Variants in OR9Q1 observed in about 807,000 individuals in gnomAD.
OR9Q1 encodes the protein olfactory receptor family 9 subfamily Q member 1.
For missense variants in OR9Q1, 374 were observed against 378.8 expected (o/e 0.99, Z 0.11); for synonymous variants, 153 against 148.6 (o/e 1.03, Z -0.22).
At chr11:58,140,830 A>C (rs1036112053) in intron 2 of OR9Q1, among the ~76,000 whole-genome samples, 1 of 152,186 alleles carries the variant, frequency 6.6e-6, no homozygotes, top group Non-Finnish European at 1.5e-5. Flanking sequence ...GAAGAAAGTC[A>C]TTGGTAGCTT....
intron 1 of OR9Q1, among the ~76,000 whole-genome samples, chr11:58,043,291 A>G (rs753950454): frequency 6.6e-6 from 1 of 152,144 alleles, no homozygotes; most frequent in Non-Finnish European, 1.5e-5. Flanking sequence ...CAAAGTCTCT[A>G]CTTTCCCAGG....
At chr11:58,143,673 G>A (rs1285355206) in intron 2 of OR9Q1, among the ~76,000 whole-genome samples, 4 of 152,062 alleles carry the variant, frequency 2.6e-5, no homozygotes, top group Non-Finnish European at 5.9e-5. Flanking sequence ...ACACAGGGAG[G>A]GAAACAACAC....
At chr11:58,072,003 C>T (rs990016712) in intron 2 of OR9Q1, among the ~76,000 whole-genome samples, 1 of 152,126 alleles carries the variant, frequency 6.6e-6, no homozygotes, top group East Asian at 1.9e-4. Flanking sequence ...GTACAACAGA[C>T]CCTTACGACA....
At position 58,180,008 on chromosome 11, in the gene OR9Q1, C is replaced by G. The variant is rs1178291161; in HGVS notation, c.564C>G (p.Thr188=). 6.2e-7 allele frequency: 1 copy of G among 1,614,062 alleles called. No individual in the cohort carries two copies. The highest frequency in any genetic ancestry group is 8.5e-7 in the Non-Finnish European group (1 of 1,179,984). Residue 188 remains threonine, a synonymous_variant, in exon 3 of 3, where the codon ACC becomes ACG. Coordinates refer to ENST00000335397, the MANE Select transcript of OR9Q1 (RefSeq NM_001005212.4). ...ACCTCCCTCCTCTGTTAAAGTTGAC[C>G]TGTGGGGAGAGCTACACTCAAGAAG... ...FCDLPPLLKL[T]CGESYTQEVL...
chr11:58,045,521 A>T (rs1853207851), intron 1 of OR9Q1, among the ~76,000 whole-genome samples: 1 of 152,222 alleles, frequency 6.6e-6, no homozygotes, highest in African/African-American at 2.4e-5. Flanking sequence ...GACGTGAGCC[A>T]CCACGCCTGG....
chr11:58,092,042 G>A (rs1273977828), intron 2 of OR9Q1, among the ~76,000 whole-genome samples: 1 of 149,434 alleles, frequency 6.7e-6, no homozygotes, highest in Admixed American at 6.7e-5. Context: ...GTGTTTCTTT[G>A]CATGTGAGAT....
Position 58,161,261 on chromosome 11 carries a change from G to T in OR9Q1, c.-14-18170G>T, listed in dbSNP as rs1590622118. Among the ~76,000 whole-genome samples the T allele has an allele frequency of 2.0e-5, 3 of 150,428 alleles. No homozygotes were observed. The South Asian group carries it at 6.3e-4, about 32-fold the overall frequency. On this transcript the variant is annotated intron_variant, in intron 2 of 2. Transcript: ENST00000335397. ...GTATAAAAAAAAAAAAAAAAGAAAA[G>T]AGTTATATATGTGACTGAACCAAAA...
At chr11:58,072,092 G>A (rs1373284204) in intron 2 of OR9Q1, among the ~76,000 whole-genome samples, 1 of 152,028 alleles carries the variant, frequency 6.6e-6, no homozygotes, top group African/African-American at 2.4e-5. Context: ...TTTCTTGTAG[G>A]TTAATTGTAA....
intron 1 of OR9Q1, among the ~76,000 whole-genome samples, chr11:58,034,226 C>T (rs12786623): frequency 0.49 from 74,021 of 151,178 alleles, 18,460 homozygotes; most frequent in Middle Eastern, 0.59. Flanking sequence ...GCTAGGACTA[C>T]AGGGGCCCGC....
intron 2 of OR9Q1, among the ~76,000 whole-genome samples, chr11:58,178,988 T>TAG (rs150590790): frequency 2.4e-4 from 27 of 110,234 alleles, no homozygotes; most frequent in African/African-American, 9.1e-4. Context: ...TTATATATTA[T>TAG]AGAGAGAGAG....
intron 2 of OR9Q1, among the ~76,000 whole-genome samples, chr11:58,145,928 G>C (rs1854295367): frequency 6.6e-6 from 1 of 152,178 alleles, no homozygotes; most frequent in Admixed American, 6.5e-5. Flanking sequence ...TTAACATTCA[G>C]TCATACCCAA....
chr11:58,066,533 T>C (rs1047246580), intron 2 of OR9Q1, among the ~76,000 whole-genome samples: 4 of 152,136 alleles, frequency 2.6e-5, no homozygotes, highest in Non-Finnish European at 4.4e-5. Flanking sequence ...TTGCCTTACA[T>C]GGTGATATCT....
chr11:58,073,082 T>A, intron 2 of OR9Q1: 1 of 207,562 alleles, frequency 4.8e-6, no homozygotes, highest in South Asian at 9.9e-5. Flanking sequence ...CATATACATA[T>A]GCATCGAAAT....
chr11:58,168,195 A>C (rs1198188446), intron 2 of OR9Q1, among the ~76,000 whole-genome samples: 1 of 152,232 alleles, frequency 6.6e-6, no homozygotes, highest in Non-Finnish European at 1.5e-5. Flanking sequence ...AAAATAACTC[A>C]GTAAAGATAT....
At chr11:58,172,619 AGC>A (rs1353749470) in intron 2 of OR9Q1, among the ~76,000 whole-genome samples, 1 of 152,172 alleles carries the variant, frequency 6.6e-6, no homozygotes, top group Non-Finnish European at 1.5e-5. Context: ...AAAGTGATGG[AGC>A]CAGGACTCAA....
At chr11:58,174,520 A>T (rs1337226485) in intron 2 of OR9Q1, among the ~76,000 whole-genome samples, 1 of 151,938 alleles carries the variant, frequency 6.6e-6, no homozygotes, top group Non-Finnish European at 1.5e-5. Flanking sequence ...CATAATATAC[A>T]GTTCATTTTG....
intron 2 of OR9Q1, among the ~76,000 whole-genome samples, chr11:58,084,024 A>G (rs1853612706): frequency 2.6e-5 from 4 of 151,942 alleles, no homozygotes; most frequent in Admixed American, 2.6e-4. Flanking sequence ...TAAGAATAGC[A>G]TTGGATCTGT....
chr11:58,107,114 CT>C (rs78874508), intron 2 of OR9Q1, among the ~76,000 whole-genome samples: 1 of 151,032 alleles, frequency 6.6e-6, no homozygotes, highest in South Asian at 2.1e-4. Context: ...GGATGTCTTT[CT>C]TTTTTTTTAA....
intron 2 of OR9Q1, among the ~76,000 whole-genome samples, chr11:58,064,992 A>G (rs1279303685): frequency 2.0e-5 from 3 of 152,048 alleles, no homozygotes; most frequent in Non-Finnish European, 2.9e-5. Context: ...GGACAAGGAG[A>G]CACACAGAGT....
Sources: gnomAD v4.1 joint callset for allele counts (sites outside exome capture counted in the v4.1 genomes callset) on GRCh38, gnomAD v4.1.1 for gene constraint, MANE v1.5 for transcripts, NCBI Gene and HGNC (gene_info 2026-07-23, HGNC 2026-07-21) for gene names.